The following EPHB1 variants were observed in gnomAD, a reference collection of about 807,000 sequenced individuals.
The protein encoded by EPHB1 is ephrin type-B receptor 1.
In EPHB1, 30 loss-of-function variants were observed where a neutral mutation model predicts 94.4. The ratio of observed to expected loss-of-function variants is 0.32; its 90% confidence interval spans 0.24 to 0.43. EPHB1 has a LOEUF of 0.43. EPHB1 is among the 20% of genes least tolerant of loss of function. The pLI is 1.00. For missense variants in EPHB1, 1,055 were observed against 1,308.3 expected (o/e 0.81, Z 2.99); for synonymous variants, 522 against 489.1 (o/e 1.07, Z -0.89).
intron 2 of EPHB1, among the ~76,000 whole-genome samples, chr3:134,936,301 TGGGGTTGGGGGACCAAA>T (rs1329764812): frequency 6.6e-6 from 1 of 151,750 alleles, no homozygotes; most frequent in Non-Finnish European, 1.5e-5. Context: ...TGGGGAAGTG[TGGGGTTGGGGGACCAAA>T]GAGCAGCAAG....
At chr3:135,055,987 C>A (rs1369969976) in intron 3 of EPHB1, among the ~76,000 whole-genome samples, 1 of 152,130 alleles carries the variant, frequency 6.6e-6, no homozygotes, top group Non-Finnish European at 1.5e-5. Context: ...CTCACACCAC[C>A]CTCTGTTCTG....
chr3:135,062,474 G>A (rs527925191), intron 3 of EPHB1, among the ~76,000 whole-genome samples: 43 of 152,170 alleles, frequency 2.8e-4, no homozygotes, highest in African/African-American at 9.9e-4. Flanking sequence ...ATGTTTATTG[G>A]CCATTTGTAT....
At chr3:134,840,277 G>A (rs1193983946) in intron 1 of EPHB1, among the ~76,000 whole-genome samples, 1 of 152,144 alleles carries the variant, frequency 6.6e-6, no homozygotes, top group Non-Finnish European at 1.5e-5. Context: ...AGACCCAGAT[G>A]CCTACTGGGG....
chr3:134,912,669 C>A (rs1393485943), intron 1 of EPHB1, among the ~76,000 whole-genome samples: 2 of 152,190 alleles, frequency 1.3e-5, no homozygotes, highest in Non-Finnish European at 2.9e-5. Flanking sequence ...GGCCTGATGG[C>A]CTGGGAGTGG....
intron 1 of EPHB1, among the ~76,000 whole-genome samples, chr3:134,881,095 C>A (rs1351798619): frequency 6.6e-6 from 1 of 151,994 alleles, no homozygotes; most frequent in Non-Finnish European, 1.5e-5. Flanking sequence ...GTAGCCAAAT[C>A]CCCCACTAGA....
At chr3:135,037,053 C>T (rs1483537227) in intron 3 of EPHB1, among the ~76,000 whole-genome samples, 4 of 152,090 alleles carry the variant, frequency 2.6e-5, no homozygotes, top group Non-Finnish European at 5.9e-5. Context: ...TCTCTCAAGA[C>T]ATGGGGAACA....
intron 1 of EPHB1, among the ~76,000 whole-genome samples, chr3:134,804,895 G>A (rs1197384755): frequency 6.6e-5 from 10 of 152,220 alleles, no homozygotes; most frequent in Admixed American, 1.3e-4. Flanking sequence ...CCTTGGAGCC[G>A]TGGCAGTGGA....
In EPHB1 at chr3:134,997,200, G is replaced by A. The variant is rs183903702; in HGVS notation, c.805+45148G>A. Among the ~76,000 whole-genome samples the A allele has an allele frequency of 3.9e-3, 597 of 152,252 alleles. 1 individual carries two copies. Among genetic ancestry groups the A allele is most frequent in the Non-Finnish European group, 6.6e-3 (447 of 68,018 alleles). On this transcript the variant is annotated intron_variant, in intron 3 of 15. Coordinates refer to ENST00000398015, the MANE Select transcript of EPHB1 (RefSeq NM_004441.5). ...TTGATCCTTCACCACTGATTGAAAA[G>A]GTCTCCTTTGTTATTGTCTATGTTT...
chr3:135,041,160 CGTGCTAGCCAACA>C (rs1475034724), intron 3 of EPHB1, among the ~76,000 whole-genome samples: 2 of 152,100 alleles, frequency 1.3e-5, no homozygotes, highest in Non-Finnish European at 2.9e-5. Flanking sequence ...TAGTGGTGGG[CGTGCTAGCCAACA>C]TACTGAGAAC....
chr3:134,839,293 C>T lies in EPHB1; in HGVS notation c.58+43604C>T, dbSNP rs377403892. Among the ~76,000 whole-genome samples, 19 of 152,288 alleles carry T rather than the reference C, an allele frequency of 1.2e-4. No homozygotes were observed. In the East Asian group the frequency reaches 2.3e-3, roughly 19 times the overall value. On this transcript the variant is annotated intron_variant, in intron 1 of 15. Coordinates refer to ENST00000398015, the MANE Select transcript of EPHB1 (RefSeq NM_004441.5). Reference sequence around the variant, plus strand: ...CAGCAGACACATCCCTGCCCCTTACCGTGCTTGTTACTGGCTGCTGCTTAT... The same window carrying T: ...CAGCAGACACATCCCTGCCCCTTACTGTGCTTGTTACTGGCTGCTGCTTAT...
At chr3:134,838,521 T>C (rs1052075054) in intron 1 of EPHB1, among the ~76,000 whole-genome samples, 1 of 152,192 alleles carries the variant, frequency 6.6e-6, no homozygotes, top group Non-Finnish European at 1.5e-5. Context: ...TATCATCCTG[T>C]GGGTCAGTCA....
intron 11 of EPHB1, among the ~76,000 whole-genome samples, chr3:135,194,563 T>C (rs1942545754): frequency 6.6e-6 from 1 of 152,172 alleles, no homozygotes; most frequent in African/African-American, 2.4e-5. Flanking sequence ...TGCTGCATGG[T>C]AGCTCCAGCA....
At chr3:135,130,436 G>T (rs1440727212) in intron 4 of EPHB1, among the ~76,000 whole-genome samples, 2 of 152,222 alleles carry the variant, frequency 1.3e-5, no homozygotes, top group Non-Finnish European at 2.9e-5. Context: ...AGTTGGCTGA[G>T]CAGGGAGAGA....
At chr3:135,193,189 G>A (rs1942507595) in intron 11 of EPHB1, among the ~76,000 whole-genome samples, 1 of 152,202 alleles carries the variant, frequency 6.6e-6, no homozygotes, top group South Asian at 2.1e-4. Context: ...CCTTTCATCA[G>A]CACAGCCACC....
intron 3 of EPHB1, among the ~76,000 whole-genome samples, chr3:134,966,310 G>A (rs1933742825): frequency 6.6e-6 from 1 of 152,236 alleles, no homozygotes; most frequent in African/African-American, 2.4e-5. Context: ...GGGACAAGGA[G>A]GGGGCCTTGA....
intron 9 of EPHB1, among the ~76,000 whole-genome samples, chr3:135,169,668 G>T (rs1223115233): frequency 6.6e-6 from 1 of 152,172 alleles, no homozygotes; most frequent in Non-Finnish European, 1.5e-5. Flanking sequence ...GGCCAAAGAG[G>T]GGGTAGGGGT....
intron 3 of EPHB1, among the ~76,000 whole-genome samples, chr3:135,048,387 A>G (rs1937072351): frequency 6.7e-6 from 1 of 148,272 alleles, no homozygotes; most frequent in South Asian, 2.1e-4. Context: ...CTCCCACCTC[A>G]GCCTCCCCAG....
chr3:135,086,312 C>A (rs1327909775), intron 3 of EPHB1, among the ~76,000 whole-genome samples: 1 of 151,380 alleles, frequency 6.6e-6, no homozygotes, highest in Non-Finnish European at 1.5e-5. Context: ...GGTAGGCACA[C>A]CTCAAGAGAA....
chr3:135,146,506 G>A lies in EPHB1; in HGVS notation c.1298-7646G>A, dbSNP rs1941016052. ...GCCTGAGCCACACATTAGATGGGAAGGCTATGCTTGTTCACTGTCCAGAGT... is the reference window on the plus strand; with the variant it reads ...GCCTGAGCCACACATTAGATGGGAAAGCTATGCTTGTTCACTGTCCAGAGT... On this transcript the variant is annotated intron_variant, in intron 5 of 15. Transcript: ENST00000398015. Among the ~76,000 whole-genome samples, 5 of 152,168 alleles carry A rather than the reference G, an allele frequency of 3.3e-5. No individual in the cohort carries two copies. In the South Asian group the frequency reaches 8.3e-4, roughly 25 times the overall value.
Sources: allele counts gnomAD v4.1 joint callset (sites outside exome capture counted in the v4.1 genomes callset), GRCh38; gene constraint gnomAD v4.1.1; transcripts MANE v1.5; gene names NCBI Gene and HGNC (gene_info 2026-07-23, HGNC 2026-07-21).